Variants in PPP2R5C observed in about 807,000 individuals in gnomAD.
PPP2R5C encodes the protein serine/threonine-protein phosphatase 2A 56 kDa regulatory subunit gamma isoform.
Under a neutral mutation model 68.9 loss-of-function variants are expected in PPP2R5C, and 7 were observed. That is an observed-to-expected ratio of 0.10 (90% confidence interval 0.06 to 0.19). The LOEUF (loss-of-function observed/expected upper bound fraction) is 0.19. PPP2R5C is among the 10% of genes least tolerant of loss of function. The probability of loss-of-function intolerance (pLI) is 1.00; values close to 1 mark genes in which losing one functional copy is unlikely to be tolerated. For missense variants in PPP2R5C, 348 were observed against 641.3 expected (o/e 0.54, Z 4.94); for synonymous variants, 210 against 222.2 (o/e 0.95, Z 0.49).
chr14:101,841,849 C>T lies in PPP2R5C; in HGVS notation c.95-14837C>T, dbSNP rs184803954. 1.4e-3 allele frequency among the ~76,000 whole-genome samples: 208 copies of T among 152,302 alleles called. 1 individual carries two copies. The highest frequency in any genetic ancestry group is 4.6e-3 in the African/African-American group (193 of 41,558). The stretch of plus-strand genomic sequence containing the variant: ...AGGAGGCTGGAGTCGTGCAGTCCCT[C>T]ACAGGCTGCCCTAGGCTTAGTCTGG... On this transcript the variant is annotated intron_variant, in intron 1 of 13. Coordinates refer to ENST00000334743, the Ensembl canonical transcript of PPP2R5C.
At chr14:101,775,043 G>A (rs2037346668) in intron 2 of PPP2R5C, among the ~76,000 whole-genome samples, 1 of 152,200 alleles carries the variant, frequency 6.6e-6, no homozygotes, top group African/African-American at 2.4e-5. Flanking sequence ...CCCAGCCGCG[G>A]CCTACTGGAA....
intron 2 of PPP2R5C, among the ~76,000 whole-genome samples, chr14:101,767,326 ATATT>A (rs998920263): frequency 2.0e-5 from 3 of 152,264 alleles, no homozygotes; most frequent in Non-Finnish European, 4.4e-5. Flanking sequence ...AATTTTAAAA[ATATT>A]TAATAATACA....
At chr14:101,897,197 A>G (rs1032082067) in intron 8 of PPP2R5C, among the ~76,000 whole-genome samples, 4 of 152,204 alleles carry the variant, frequency 2.6e-5, no homozygotes, top group African/African-American at 4.8e-5. Flanking sequence ...AGCATCAAGC[A>G]TAGTCAAGGC....
At chr14:101,901,457 C>G (rs1004384449) in intron 8 of PPP2R5C, among the ~76,000 whole-genome samples, 2 of 152,158 alleles carry the variant, frequency 1.3e-5, no homozygotes, top group Non-Finnish European at 2.9e-5. Context: ...CCAAGGAGTT[C>G]AAGTCCAGCC....
chr14:101,912,410 A>G, exon 12 of PPP2R5C: 1 of 1,599,626 alleles, frequency 6.3e-7, no homozygotes, highest in Non-Finnish European at 8.5e-7. Context: ...GAGAGAAGCT[A>G]AAAATGAAAG....
chr14:101,798,186 T>C (rs1459874967), intron 3 of PPP2R5C, among the ~76,000 whole-genome samples: 3 of 151,988 alleles, frequency 2.0e-5, no homozygotes, highest in Non-Finnish European at 4.4e-5. Flanking sequence ...CAGCGCAGTG[T>C]GAGTGCACTG....
chr14:101,877,824 GT>G lies in PPP2R5C; in HGVS notation c.295-4330del, dbSNP rs971354271. Among the ~76,000 whole-genome samples, 2 of 152,308 alleles carry G rather than the reference GT, an allele frequency of 1.3e-5. No homozygotes were observed. Among genetic ancestry groups the G allele is most frequent in the African/African-American group, 4.8e-5 (2 of 41,572 alleles). On this transcript the variant is annotated intron_variant, in intron 2 of 13. Coordinates refer to ENST00000334743, the Ensembl canonical transcript of PPP2R5C. This position sits in a 1 kb window ranked among gnomAD's most constrained non-coding sequence, Gnocchi z 4.2. ...AGGTGTGTAGAAGTTAGGAGTGCAA[GT>G]TTTTTTCCTTACACATGAGAAATGA...
At chr14:101,903,882 G>T (rs911005280) in intron 9 of PPP2R5C, among the ~76,000 whole-genome samples, 2 of 151,818 alleles carry the variant, frequency 1.3e-5, no homozygotes, top group African/African-American at 4.8e-5. Flanking sequence ...CACCATATTG[G>T]CCAGGCCGAT....
intron 3 of PPP2R5C, among the ~76,000 whole-genome samples, chr14:101,801,150 T>C (rs2038846589): frequency 6.6e-6 from 1 of 152,174 alleles, no homozygotes; most frequent in Non-Finnish European, 1.5e-5. Flanking sequence ...AAGAGTACAG[T>C]AGGGGAATTG....
intron 8 of PPP2R5C, among the ~76,000 whole-genome samples, chr14:101,901,452 G>T (rs1280425934): frequency 1.3e-5 from 2 of 152,144 alleles, no homozygotes; most frequent in African/African-American, 4.8e-5. Context: ...TTGAGCCAAG[G>T]AGTTCAAGTC....
rs558583244 is a variant in PPP2R5C at position 101,795,763 on chromosome 14, A to T, written c.259+9580A>T. On this transcript the variant is annotated intron_variant, in intron 3 of 14. Transcript: ENST00000328724. ...AAAATTGGCTTTTGAATACCAGTTA[A>T]ATATTTTATATCTCTTGCTCTCCTC... Among the ~76,000 whole-genome samples, 379 of 152,332 alleles carry T rather than the reference A, an allele frequency of 2.5e-3. 3 individuals carry two copies. In the Middle Eastern group the frequency reaches 0.1, roughly 41 times the overall value.
chr14:101,836,303 G>C, intron 1 of PPP2R5C: 1 of 702,742 alleles, frequency 1.4e-6, no homozygotes, highest in African/African-American at 1.7e-5. Context: ...CATGGACGGA[G>C]CTGCCAGCCT....
chr14:101,892,674 T>A (rs1357899301), intron 6 of PPP2R5C, among the ~76,000 whole-genome samples: 1 of 152,156 alleles, frequency 6.6e-6, no homozygotes, highest in Non-Finnish European at 1.5e-5. Context: ...CGGATTTCCC[T>A]CTTAGGCTGT....
Position 101,797,033 on chromosome 14 carries a change from T to C in PPP2R5C, c.259+10850T>C. ...ATGCTGTACACCCATCACTACTATC[T>C]CTACCCAAAACTTTTCATCATCCCC... On this transcript the variant is annotated intron_variant, in intron 3 of 14. Coordinates refer to the PPP2R5C transcript ENST00000328724. The surrounding 1 kb of genome is among the most constrained non-coding windows in gnomAD (Gnocchi z 4.2). 1 of 411,998 alleles carries C rather than the reference T, an allele frequency of 2.4e-6. No homozygotes were observed. The highest frequency in any genetic ancestry group is 1.8e-5 in the South Asian group (1 of 56,152). The allele number at this position is 411,998 out of a possible 1,614,324, so 25.5% of individuals were successfully genotyped here.
intron 1 of PPP2R5C, among the ~76,000 whole-genome samples, chr14:101,841,837 C>T (rs375393481): frequency 6.6e-6 from 1 of 152,172 alleles, no homozygotes; most frequent in East Asian, 1.9e-4. Flanking sequence ...AGGCTGGAGT[C>T]GTGCAGTCCC....
At chr14:101,871,428 A>C (rs1029590929) in intron 2 of PPP2R5C, among the ~76,000 whole-genome samples, 4 of 152,188 alleles carry the variant, frequency 2.6e-5, no homozygotes, top group African/African-American at 9.6e-5. Flanking sequence ...TTTTTAGCAG[A>C]GACGGGGTTT....
chr14:101,854,896 G>A (rs189598918), intron 1 of PPP2R5C, among the ~76,000 whole-genome samples: 98 of 152,292 alleles, frequency 6.4e-4, no homozygotes, highest in African/African-American at 2.2e-3. Context: ...TTGGCCAGGC[G>A]CATTGGCTCA....
At chr14:101,775,249 T>C (rs2037358906) in intron 2 of PPP2R5C, among the ~76,000 whole-genome samples, 1 of 152,232 alleles carries the variant, frequency 6.6e-6, no homozygotes, top group African/African-American at 2.4e-5. Context: ...GTTGTGAATT[T>C]TGAGAATTGC....
intron 2 of PPP2R5C, among the ~76,000 whole-genome samples, chr14:101,865,582 C>A (rs1405133287): frequency 6.6e-6 from 1 of 152,166 alleles, no homozygotes; most frequent in Non-Finnish European, 1.5e-5. Context: ...ATGAAACGGT[C>A]GGATCTGTAC....
Sources: allele counts gnomAD v4.1 joint callset (sites outside exome capture counted in the v4.1 genomes callset), GRCh38; gene constraint gnomAD v4.1.1; non-coding constraint Gnocchi (gnomAD v3.1); transcripts MANE v1.5; gene names NCBI Gene and HGNC (gene_info 2026-07-23, HGNC 2026-07-21).